OSBPL6: variants seen among roughly 807,000 people sequenced by gnomAD.
OSBPL6 encodes oxysterol-binding protein-related protein 6.
Under a neutral mutation model 125.8 loss-of-function variants are expected in OSBPL6, and 49 were observed. The ratio of observed to expected loss-of-function variants is 0.39; its 90% CI spans 0.31 to 0.49. OSBPL6 has a LOEUF of 0.49. OSBPL6 is among the 20% of genes least tolerant of loss of function. The pLI, the probability that OSBPL6 is intolerant of heterozygous loss-of-function variation, is 0.88. For missense variants in OSBPL6, 986 were observed against 1,135.4 expected (o/e 0.87, Z 1.89); for synonymous variants, 394 against 391.8 (o/e 1.01, Z -0.07).
chr2:178,199,180 A>T (rs963857697), intron 1 of OSBPL6, among the ~76,000 whole-genome samples: 1 of 152,250 alleles, frequency 6.6e-6, no homozygotes, highest in African/African-American at 2.4e-5. Context: ...GTGTGATTAA[A>T]AGAAACATAA....
At chr2:178,282,172 C>T (rs1430123701) in intron 1 of OSBPL6, among the ~76,000 whole-genome samples, 1 of 152,104 alleles carries the variant, frequency 6.6e-6, no homozygotes, top group Non-Finnish European at 1.5e-5. Context: ...ATTTTGAAGG[C>T]TGTATTGGCA....
At chr2:178,209,007 A>G (rs1229165335) in intron 1 of OSBPL6, among the ~76,000 whole-genome samples, 1 of 152,132 alleles carries the variant, frequency 6.6e-6, no homozygotes, top group Non-Finnish European at 1.5e-5. Context: ...TTCTGAACTT[A>G]CTGTTAAGAA....
intron 1 of OSBPL6, among the ~76,000 whole-genome samples, chr2:178,216,391 C>T (rs1461069648): frequency 6.6e-6 from 1 of 152,038 alleles, no homozygotes; most frequent in Non-Finnish European, 1.5e-5. Flanking sequence ...TCTCACTGAC[C>T]ATATCTGGGA....
intron 19 of OSBPL6, 98 bp from the exon 20 acceptor site, chr2:178,386,963 C>CA: frequency 1.5e-6 from 1 of 650,096 alleles, no homozygotes; most frequent in Non-Finnish European, 2.5e-6. Context: ...GTTGTCATTC[C>CA]AAAGTGTTTC....
At chr2:178,204,988 A>AC (rs2089456302) in intron 1 of OSBPL6, among the ~76,000 whole-genome samples, 1 of 151,944 alleles carries the variant, frequency 6.6e-6, no homozygotes, top group Non-Finnish European at 1.5e-5. Context: ...TTAATCCTTT[A>AC]CCCCCACACT....
At chr2:178,326,983 T>G (rs13407039) in intron 4 of OSBPL6, among the ~76,000 whole-genome samples, 1,863 of 151,728 alleles carry the variant, frequency 0.012, 45 homozygotes, top group African/African-American at 0.043. Context: ...CTAAGAATGA[T>G]ACATTGGAAA....
chr2:178,338,294 T>C (rs558190465), intron 9 of OSBPL6, among the ~76,000 whole-genome samples: 1 of 152,278 alleles, frequency 6.6e-6, no homozygotes, highest in Non-Finnish European at 1.5e-5. Context: ...TAAAGAGTGA[T>C]ATTTTATTGT....
chr2:178,308,901 C>T (rs1687017069), intron 3 of OSBPL6, among the ~76,000 whole-genome samples: 1 of 152,170 alleles, frequency 6.6e-6, no homozygotes, highest in Non-Finnish European at 1.5e-5. Flanking sequence ...TTTCAAATGT[C>T]CTGAGTAGGG....
chr2:178,353,872 C>T (rs1691522635), intron 12 of OSBPL6, among the ~76,000 whole-genome samples: 1 of 152,168 alleles, frequency 6.6e-6, no homozygotes, highest in South Asian at 2.1e-4. Flanking sequence ...AAAGGGAAGC[C>T]CATCAGGCTA....
intron 11 of OSBPL6, 64 bp downstream of exon 11, chr2:178,339,828 A>T (rs538926747): frequency 3.2e-6 from 4 of 1,242,838 alleles, no homozygotes; most frequent in African/African-American, 3.1e-5. Flanking sequence ...GTCTTTATAC[A>T]TCAGTTTATG....
At position 178,400,672 on chromosome 2, in the gene OSBPL6, T is replaced by C. The variant is rs2154122942; in HGVS notation, c.*5113T>C. 6.6e-6 allele frequency: 1 copy of C among 152,362 alleles called. No individual in the cohort carries two copies. The highest frequency in any genetic ancestry group is 1.9e-4 in the East Asian group (1 of 5,190). 9.4% of individuals were successfully genotyped at this position (152,362 alleles called of 1,614,324 possible). Reference sequence around the variant, plus strand: ...GAACAGTACTTGATACAGTTTGATGTATGTATATACCCTTGACATAATCAA... The same window carrying C: ...GAACAGTACTTGATACAGTTTGATGCATGTATATACCCTTGACATAATCAA... On this transcript the variant is annotated 3_prime_UTR_variant, in exon 25 of 25. Transcript: ENST00000190611.
At chr2:178,240,261 G>T (rs6433715) in intron 1 of OSBPL6, among the ~76,000 whole-genome samples, 44,485 of 151,886 alleles carry the variant, frequency 0.29, 7,158 homozygotes, top group African/African-American at 0.43. Context: ...AATTTTATGT[G>T]TATCTTGCCA....
rs561677957 is a variant in OSBPL6 at position 178,230,099 on chromosome 2, G to A, written c.-351+35425G>A. Among the ~76,000 whole-genome samples, 710 of 152,296 alleles carry A rather than the reference G, an allele frequency of 4.7e-3. 5 individuals are homozygous for A. Among genetic ancestry groups the A allele is most frequent in the Non-Finnish European group, 6.1e-3 (417 of 68,036 alleles). On this transcript the variant is annotated intron_variant, in intron 1 of 24. Coordinates refer to ENST00000190611, the MANE Select transcript of OSBPL6 (RefSeq NM_032523.4). ...TGCATTCTACCCTTAGGAAGGTTGG[G>A]TGCTGGGGAGAGGCGACAGATTGGA...
intron 13 of OSBPL6, among the ~76,000 whole-genome samples, chr2:178,367,153 G>A (rs756425517): frequency 1.1e-4 from 17 of 152,034 alleles, no homozygotes; most frequent in Non-Finnish European, 2.1e-4. Flanking sequence ...TATGTAAACT[G>A]TGCACCCATT....
chr2:178,371,765 A>G (rs113462024), intron 13 of OSBPL6, among the ~76,000 whole-genome samples: 19 of 152,224 alleles, frequency 1.2e-4, no homozygotes, highest in African/African-American at 2.9e-4. Context: ...AGAATTTTCA[A>G]TGAAAACAAT....
intron 4 of OSBPL6, among the ~76,000 whole-genome samples, chr2:178,327,733 T>G (rs1460470215): frequency 6.6e-6 from 1 of 152,158 alleles, no homozygotes; most frequent in Non-Finnish European, 1.5e-5. Flanking sequence ...AGGTGTCTTA[T>G]GTGCACTTTG....
chr2:178,374,335 T>G (rs1395360377), intron 15 of OSBPL6, among the ~76,000 whole-genome samples: 4 of 152,162 alleles, frequency 2.6e-5, no homozygotes, highest in African/African-American at 9.7e-5. Flanking sequence ...ACAGAGCTGT[T>G]TATAGAAGGA....
intron 3 of OSBPL6, among the ~76,000 whole-genome samples, chr2:178,314,449 G>T (rs150444704): frequency 1.0e-3 from 153 of 152,290 alleles, no homozygotes; most frequent in Non-Finnish European, 5.9e-5. Flanking sequence ...CCTCTCTGGA[G>T]TGCTAGGTAT....
intron 1 of OSBPL6, among the ~76,000 whole-genome samples, chr2:178,217,545 C>A (rs761045601): frequency 7.2e-5 from 11 of 152,136 alleles, no homozygotes; most frequent in Non-Finnish European, 1.3e-4. Flanking sequence ...ACAGCTCTCT[C>A]TATAGAGAAA....
Sources: allele counts gnomAD v4.1 joint callset (sites outside exome capture counted in the v4.1 genomes callset), GRCh38; gene constraint gnomAD v4.1.1; transcripts MANE v1.5; gene names NCBI Gene and HGNC (gene_info 2026-07-23, HGNC 2026-07-21).